ROBO2: variants seen among roughly 807,000 people sequenced by gnomAD.
The protein encoded by ROBO2 is roundabout guidance receptor 2.
A neutral mutation model predicts 160.8 loss-of-function variants in ROBO2; 53 were observed. The observed-to-expected ratio is 0.33, with a 90% CI of 0.26 to 0.41. The LOEUF (loss-of-function observed/expected upper bound fraction) is 0.41, where lower values mean the gene tolerates loss of function less well. Ranked by LOEUF, ROBO2 falls within the 10% of genes least tolerant of loss-of-function variation. ROBO2 has a pLI of 1.00. For synonymous variants in ROBO2, 664 were observed against 611.7 expected, an observed-to-expected ratio of 1.09 and a Z score of -1.26; for missense variants, 1,577 against 1,722.4, an observed-to-expected ratio of 0.92 and a Z score of 1.49.
chr3:76,520,306 C>G (rs1168071855), intron 2 of ROBO2, among the ~76,000 whole-genome samples: 1 of 152,056 alleles, frequency 6.6e-6, no homozygotes, highest in East Asian at 1.9e-4. Context: ...CAAAAATTAG[C>G]CGGGCGTGGT....
chr3:76,550,912 C>G (rs2083375945), intron 2 of ROBO2, among the ~76,000 whole-genome samples: 1 of 152,096 alleles, frequency 6.6e-6, no homozygotes, highest in Non-Finnish European at 1.5e-5. Context: ...TGCAGGCAAC[C>G]CTTAGTGTGA....
At chr3:77,381,549 A>C (rs957617041) in intron 2 of ROBO2, among the ~76,000 whole-genome samples, 1 of 152,166 alleles carries the variant, frequency 6.6e-6, no homozygotes, top group African/African-American at 2.4e-5. Flanking sequence ...GCATCCCTTC[A>C]ATGATTTCAT....
At chr3:76,854,116 A>G (rs542861294) in intron 2 of ROBO2, among the ~76,000 whole-genome samples, 1 of 149,588 alleles carries the variant, frequency 6.7e-6, no homozygotes, top group East Asian at 2.0e-4. Context: ...AGCATGTTAT[A>G]CCTAAAATTT....
intron 2 of ROBO2, among the ~76,000 whole-genome samples, chr3:77,269,825 A>C (rs757764211): frequency 3.9e-5 from 6 of 152,042 alleles, no homozygotes; most frequent in Non-Finnish European, 5.9e-5. Flanking sequence ...GGTGAGAAAA[A>C]CTTTTCTCTC....
At chr3:77,215,968 T>C (rs2084883378) in intron 2 of ROBO2, among the ~76,000 whole-genome samples, 1 of 152,134 alleles carries the variant, frequency 6.6e-6, no homozygotes, top group African/African-American at 2.4e-5. Flanking sequence ...TACCCAGCCG[T>C]GTGAGGTGTC....
intron 2 of ROBO2, among the ~76,000 whole-genome samples, chr3:77,166,190 G>C (rs552868004): frequency 1.3e-5 from 2 of 151,984 alleles, no homozygotes; most frequent in African/African-American, 4.8e-5. Flanking sequence ...CCCAGGAGGC[G>C]GAGGTTGTAG....
intron 2 of ROBO2, among the ~76,000 whole-genome samples, chr3:77,408,404 T>C (rs1560751201): frequency 6.6e-6 from 1 of 152,194 alleles, no homozygotes; most frequent in African/African-American, 2.4e-5. Flanking sequence ...CCTAGTCTTA[T>C]AATTTACCAA....
At chr3:76,355,074 G>T (rs965112783) in intron 2 of ROBO2, among the ~76,000 whole-genome samples, 3 of 151,130 alleles carry the variant, frequency 2.0e-5, no homozygotes, top group Admixed American at 1.3e-4. Flanking sequence ...GTATGCATGG[G>T]GGTGTTTGTG....
intron 2 of ROBO2, among the ~76,000 whole-genome samples, chr3:76,287,180 T>C (rs1708543886): frequency 6.6e-6 from 1 of 152,224 alleles, no homozygotes; most frequent in African/African-American, 2.4e-5. Flanking sequence ...GAGAGGTGAT[T>C]AATTCAGCTT....
At chr3:76,406,499 T>C (rs537093296) in intron 2 of ROBO2, among the ~76,000 whole-genome samples, 1 of 151,694 alleles carries the variant, frequency 6.6e-6, no homozygotes, top group South Asian at 2.1e-4. Flanking sequence ...GGCCCACAGG[T>C]AAGTGATTTG....
chr3:77,422,734 C>T (rs1035957392), intron 2 of ROBO2, among the ~76,000 whole-genome samples: 2 of 152,180 alleles, frequency 1.3e-5, no homozygotes, highest in South Asian at 2.1e-4. Context: ...CCTGGACACT[C>T]ACAGTGATTT....
At chr3:77,405,652 T>C (rs2076195320) in intron 2 of ROBO2, among the ~76,000 whole-genome samples, 2 of 151,818 alleles carry the variant, frequency 1.3e-5, no homozygotes, top group African/African-American at 4.8e-5. Context: ...ATATTAGTTA[T>C]AAAAAGTATA....
intron 2 of ROBO2, among the ~76,000 whole-genome samples, chr3:76,683,024 G>A (rs1478910044): frequency 1.3e-5 from 2 of 152,134 alleles, no homozygotes; most frequent in African/African-American, 4.8e-5. Context: ...AATCTGGGAA[G>A]GATCAGATGT....
At chr3:77,620,385 A>T (rs1288973990) in intron 22 of ROBO2, among the ~76,000 whole-genome samples, 4 of 152,170 alleles carry the variant, frequency 2.6e-5, no homozygotes, top group Non-Finnish European at 4.4e-5. Context: ...TTTACCTCTT[A>T]ATTTTGCTTA....
chr3:76,984,324 T>C (rs1006999655), intron 2 of ROBO2, among the ~76,000 whole-genome samples: 8 of 152,200 alleles, frequency 5.3e-5, no homozygotes, highest in Non-Finnish European at 1.0e-4. Context: ...TCCAGCTTTT[T>C]CAGCTCTTTA....
At position 76,222,201 on chromosome 3, in the gene ROBO2, G is replaced by A. The variant is rs181439258; in HGVS notation, c.109+284599G>A. On this transcript the variant is annotated intron_variant, in intron 2 of 26. Transcript: ENST00000487694. ...GTGGCACCAAAACACGTTACCAGTG[G>A]CAAATTGGTATGGGTTTGCAGCAAC... 5.3e-5 allele frequency among the ~76,000 whole-genome samples: 8 copies of A among 152,296 alleles called. No individual in the cohort carries two copies. The East Asian group carries it at 1.4e-3, about 26-fold the overall frequency.
intron 2 of ROBO2, among the ~76,000 whole-genome samples, chr3:75,989,445 G>T (rs1204055349): frequency 6.6e-6 from 1 of 152,066 alleles, no homozygotes; most frequent in Non-Finnish European, 1.5e-5. Flanking sequence ...CTATGTTTTA[G>T]GAGCATTTAA....
At chr3:76,277,931 T>C (rs942737717) in intron 2 of ROBO2, among the ~76,000 whole-genome samples, 2 of 151,744 alleles carry the variant, frequency 1.3e-5, no homozygotes, top group Non-Finnish European at 2.9e-5. Context: ...TTTTTTGTTT[T>C]TTTTTTTTAA....
At chr3:76,895,051 T>A (rs1287982198) in intron 2 of ROBO2, among the ~76,000 whole-genome samples, 1 of 152,178 alleles carries the variant, frequency 6.6e-6, no homozygotes, top group African/African-American at 2.4e-5. Context: ...GATTTTTAAC[T>A]TTGAATTGAG....
Sources: allele counts gnomAD v4.1 joint callset (sites outside exome capture counted in the v4.1 genomes callset), GRCh38; gene constraint gnomAD v4.1.1; transcripts MANE v1.5; gene names NCBI Gene and HGNC (gene_info 2026-07-23, HGNC 2026-07-21).